The following YWHAE variants were observed in gnomAD, a reference collection of about 807,000 sequenced individuals.
YWHAE encodes tyrosine 3-monooxygenase/tryptophan 5-monooxygenase activation protein epsilon, also known as 14-3-3 protein epsilon.
YWHAE carries 4 observed loss-of-function variants against 30.1 expected under a neutral mutation model. The observed-to-expected ratio is 0.13, with a 90% CI of 0.07 to 0.30. The LOEUF (loss-of-function observed/expected upper bound fraction) is 0.30. Ranked by LOEUF, YWHAE falls within the 10% of genes least tolerant of loss-of-function variation. The probability of loss-of-function intolerance (pLI) is 1.00; values close to 1 mark genes in which losing one functional copy is unlikely to be tolerated. For synonymous variants in YWHAE, 118 were observed against 111.8 expected, an observed-to-expected ratio of 1.06 and a Z score of -0.35; for missense variants, 121 against 315.9, an observed-to-expected ratio of 0.38 and a Z score of 4.68.
intron 1 of YWHAE, among the ~76,000 whole-genome samples, chr17:1,389,023 T>C (rs2073350321): frequency 6.6e-6 from 1 of 152,070 alleles, no homozygotes; most frequent in Non-Finnish European, 1.5e-5. Context: ...GGGAGTGCAG[T>C]GGTCTTATCA....
At chr17:1,347,171 C>CA (rs11348283) in intron 5 of YWHAE, among the ~76,000 whole-genome samples, 90 of 125,472 alleles carry the variant, frequency 7.2e-4, no homozygotes, top group East Asian at 5.1e-3. Context: ...ACTAAAAATA[C>CA]AAAAAAAAAA....
chr17:1,352,819 C>A (rs2072657933), intron 5 of YWHAE, among the ~76,000 whole-genome samples: 1 of 152,182 alleles, frequency 6.6e-6, no homozygotes, highest in South Asian at 2.1e-4. Context: ...GCCACCGCGC[C>A]CGGCACAGCC....
intron 1 of YWHAE, among the ~76,000 whole-genome samples, chr17:1,374,158 C>CA (rs1008682215): frequency 5.9e-5 from 9 of 151,696 alleles, no homozygotes; most frequent in Admixed American, 4.6e-4. Context: ...ACTAAAAATA[C>CA]AAAAATTAGG....
chr17:1,361,465 G>A (rs545898557), intron 3 of YWHAE, among the ~76,000 whole-genome samples, 167 bp from the exon 4 acceptor site: 178 of 152,026 alleles, frequency 1.2e-3, no homozygotes, highest in Non-Finnish European at 2.0e-3. Flanking sequence ...AACTGGCTTC[G>A]TTTCATTTTT....
intron 1 of YWHAE, among the ~76,000 whole-genome samples, chr17:1,398,029 T>C (rs16945923): frequency 0.037 from 5,654 of 152,302 alleles, 122 homozygotes; most frequent in East Asian, 0.052. Flanking sequence ...GTACTTTATT[T>C]GGAAACTACA....
intron 1 of YWHAE, among the ~76,000 whole-genome samples, chr17:1,397,115 T>C (rs1442569766): frequency 6.6e-6 from 1 of 151,938 alleles, no homozygotes; most frequent in East Asian, 1.9e-4. Flanking sequence ...GCCAGGCTGG[T>C]CTTGAACTCC....
intron 1 of YWHAE, among the ~76,000 whole-genome samples, chr17:1,367,567 C>A (rs148812650): frequency 1.3e-5 from 2 of 152,140 alleles, no homozygotes; most frequent in Admixed American, 6.6e-5. Context: ...AAAGTAATTG[C>A]GCATTTTGCC....
intron 1 of YWHAE, among the ~76,000 whole-genome samples, chr17:1,388,574 CTT>C (rs61089437): frequency 0.12 from 16,033 of 135,556 alleles, 2,690 homozygotes; most frequent in African/African-American, 0.38. Context: ...CATGCCCAGC[CTT>C]TTTTTTTTTT....
intron 2 of YWHAE, among the ~76,000 whole-genome samples, chr17:1,363,801 C>G (rs2150852036): frequency 7.6e-6 from 1 of 131,660 alleles, no homozygotes; most frequent in Admixed American, 8.1e-5. Flanking sequence ...ACCTCACTTT[C>G]CACCTGCCCT....
At chr17:1,354,973 T>TTTG (rs1555639219) in intron 4 of YWHAE, among the ~76,000 whole-genome samples, 23 of 64,438 alleles carry the variant, frequency 3.6e-4, no homozygotes, top group African/African-American at 8.4e-4. Flanking sequence ...AGTTTTTTTT[T>TTTG]TTTTTTTTTT....
chr17:1,356,169 AAAACAC>A (rs1427125796), intron 4 of YWHAE, among the ~76,000 whole-genome samples: 4 of 94,490 alleles, frequency 4.2e-5, no homozygotes, highest in African/African-American at 1.3e-4. Flanking sequence ...ACTCCGTCTA[AAAACAC>A]ACACACACAC....
chr17:1,376,212 T>G (rs756653656), intron 1 of YWHAE, among the ~76,000 whole-genome samples: 6 of 152,118 alleles, frequency 3.9e-5, no homozygotes, highest in Non-Finnish European at 8.8e-5. Flanking sequence ...TTTGCTTCTG[T>G]GACAATAGAG....
At chr17:1,345,619 C>T (rs779083872) in intron 5 of YWHAE, 120 bp from the exon 6 acceptor site, 47 of 1,047,618 alleles carry the variant, frequency 4.5e-5, no homozygotes, top group African/African-American at 6.3e-5. Context: ...TGGTATTAAA[C>T]GCAGGCAAAG....
intron 1 of YWHAE, among the ~76,000 whole-genome samples, chr17:1,376,360 GAC>G (rs780895808): frequency 1.5e-5 from 1 of 65,120 alleles, no homozygotes; most frequent in Non-Finnish European, 3.4e-5. Context: ...AGACAAGAAA[GAC>G]AGACAGACAG....
chr17:1,364,308 G>A (rs1289157991), intron 2 of YWHAE, among the ~76,000 whole-genome samples: 3 of 151,534 alleles, frequency 2.0e-5, no homozygotes, highest in African/African-American at 7.3e-5. Flanking sequence ...CTCACCGCAA[G>A]CTCCGCCTCC....
chr17:1,378,672 C>T (rs2073159913), intron 1 of YWHAE, among the ~76,000 whole-genome samples: 3 of 152,212 alleles, frequency 2.0e-5, no homozygotes, highest in African/African-American at 7.2e-5. Flanking sequence ...AGGCCAGGCA[C>T]GGCGGCTCAC....
chr17:1,356,443 C>A (rs574342956), intron 4 of YWHAE, among the ~76,000 whole-genome samples: 2 of 152,240 alleles, frequency 1.3e-5, no homozygotes, highest in East Asian at 3.9e-4. Context: ...AAGGGAAAGT[C>A]AAATTTGAAC....
intron 1 of YWHAE, among the ~76,000 whole-genome samples, chr17:1,394,089 G>A (rs1265254379): frequency 6.6e-6 from 1 of 152,144 alleles, no homozygotes; most frequent in Non-Finnish European, 1.5e-5. Context: ...GGTCTTTTGA[G>A]TGGCTGAGAG....
intron 2 of YWHAE, among the ~76,000 whole-genome samples, chr17:1,364,130 A>T (rs186829284): frequency 6.6e-6 from 1 of 152,180 alleles, no homozygotes; most frequent in East Asian, 1.9e-4. Context: ...TTATATATGT[A>T]TATACACCCA....
Sources: allele counts gnomAD v4.1 joint callset (sites outside exome capture counted in the v4.1 genomes callset), GRCh38; gene constraint gnomAD v4.1.1; transcripts MANE v1.5; gene names NCBI Gene and HGNC (gene_info 2026-07-23, HGNC 2026-07-21).